The following PKP4 variants were observed in gnomAD, a reference collection of about 807,000 sequenced individuals.
PKP4 encodes the protein plakophilin 4.
In PKP4, 90 loss-of-function variants were observed where a neutral mutation model predicts 145.1. That is an observed-to-expected ratio of 0.62 (90% confidence interval 0.52 to 0.74). The LOEUF (loss-of-function observed/expected upper bound fraction) is 0.74, where lower values mean the gene tolerates loss of function less well. PKP4 is among the 30% of genes least tolerant of loss of function. The probability of loss-of-function intolerance (pLI) is 0.00; values close to 1 mark genes in which losing one functional copy is unlikely to be tolerated. For synonymous variants in PKP4, 563 were observed against 577.2 expected (o/e 0.98, Z 0.35); for missense variants, 1,340 against 1,482.7 (o/e 0.90, Z 1.58).
intron 15 of PKP4, among the ~76,000 whole-genome samples, chr2:158,664,967 G>A (rs1034216232): frequency 1.2e-4 from 19 of 152,182 alleles, no homozygotes; most frequent in Non-Finnish European, 2.2e-4. Flanking sequence ...AATTGAAATC[G>A]ATGTGATTTG....
intron 2 of PKP4, among the ~76,000 whole-genome samples, chr2:158,563,854 A>G (rs1476843239): frequency 1.3e-5 from 2 of 152,098 alleles, no homozygotes; most frequent in Non-Finnish European, 2.9e-5. Flanking sequence ...AATAGGCCAT[A>G]ATAGGTTATT....
At chr2:158,577,994 C>T (rs576317470) in intron 3 of PKP4, among the ~76,000 whole-genome samples, 33 of 152,280 alleles carry the variant, frequency 2.2e-4, no homozygotes, top group African/African-American at 7.7e-4. Flanking sequence ...AGTTAAATCA[C>T]TGCTTATCCT....
At chr2:158,630,024 G>A (rs981341956) in intron 7 of PKP4, among the ~76,000 whole-genome samples, 5 of 152,186 alleles carry the variant, frequency 3.3e-5, no homozygotes, top group Non-Finnish European at 1.5e-5. Flanking sequence ...GCGCCACCGT[G>A]CCTGGCCAAT....
chr2:158,671,545 T>C lies in PKP4; in HGVS notation c.2924+1630T>C, dbSNP rs79945710. On this transcript the variant is annotated intron_variant, in intron 17 of 21. Transcript: ENST00000389759. Reference sequence around the variant, plus strand: ...ATTGCTACCCAGTCTAATCTGTTTTTCAAAACCAGAGATTCGGAAAGTCCT... The same window carrying C: ...ATTGCTACCCAGTCTAATCTGTTTTCCAAAACCAGAGATTCGGAAAGTCCT... Among the ~76,000 whole-genome samples, 5 of 152,290 alleles carry C rather than the reference T, an allele frequency of 3.3e-5. No individual in the cohort carries two copies. The East Asian group carries it at 9.7e-4, about 29-fold the overall frequency.
chr2:158,533,592 T>C, intron 2 of PKP4: 1 of 510,942 alleles, frequency 2.0e-6, no homozygotes, highest in Non-Finnish European at 3.8e-6. Context: ...GCAGAGTGTG[T>C]GCATGCACGC....
intron 4 of PKP4, among the ~76,000 whole-genome samples, chr2:158,608,646 C>T (rs1218032438): frequency 1.3e-5 from 2 of 151,986 alleles, no homozygotes; most frequent in African/African-American, 2.4e-5. Flanking sequence ...TATTTACTTT[C>T]TAATATTTTA....
chr2:158,654,480 C>T (rs979856367), intron 11 of PKP4, among the ~76,000 whole-genome samples: 3 of 152,072 alleles, frequency 2.0e-5, no homozygotes, highest in African/African-American at 7.2e-5. Flanking sequence ...TTTTTAACAA[C>T]TTTATATTTT....
chr2:158,621,205 G>A, intron 5 of PKP4, 26 bp from the exon 6 acceptor site: 4 of 1,613,454 alleles, frequency 2.5e-6, no homozygotes, highest in Non-Finnish European at 3.4e-6. Flanking sequence ...GTATAATAAA[G>A]ATATTTCTTG....
intron 2 of PKP4, among the ~76,000 whole-genome samples, chr2:158,550,754 T>TTG: frequency 6.6e-6 from 1 of 152,358 alleles, no homozygotes; most frequent in South Asian, 2.1e-4. Context: ...GATTTTACAT[T>TTG]TGTGCAGGAT....
chr2:158,566,128 G>A (rs1160406666), intron 2 of PKP4, among the ~76,000 whole-genome samples: 1 of 151,620 alleles, frequency 6.6e-6, no homozygotes, highest in Admixed American at 6.6e-5. Flanking sequence ...TGTGTTAGGT[G>A]GTATTTGTTT....
At chr2:158,530,967 T>G (rs887061551) in intron 1 of PKP4, among the ~76,000 whole-genome samples, 34 of 152,268 alleles carry the variant, frequency 2.2e-4, no homozygotes, top group African/African-American at 7.2e-4. Flanking sequence ...CTCCTTTGCA[T>G]TTACATCTTG....
chr2:158,557,981 G>A (rs2046230080), intron 2 of PKP4, among the ~76,000 whole-genome samples: 2 of 152,158 alleles, frequency 1.3e-5, no homozygotes, highest in Admixed American at 6.5e-5. Flanking sequence ...GGAAGATCTA[G>A]GTCAAAGTTG....
chr2:158,533,333 A>C lies in PKP4; in HGVS notation c.132+17A>C. On this transcript the variant is annotated intron_variant, in intron 2 of 21. Coordinates refer to ENST00000389759, the MANE Select transcript of PKP4 (RefSeq NM_003628.6). ...AAGGAGCAGGTACATCCTCGTATTG[A>C]AAGTTGCAGTGAATTATTTCTTTAA... 4 of 1,613,584 alleles carry C rather than the reference A, an allele frequency of 2.5e-6. No individual in the cohort carries two copies. The highest frequency in any genetic ancestry group is 3.4e-6 in the Non-Finnish European group (4 of 1,179,554).
At chr2:158,515,345 A>G (rs2041847033) in intron 1 of PKP4, among the ~76,000 whole-genome samples, 1 of 152,180 alleles carries the variant, frequency 6.6e-6, no homozygotes, top group African/African-American at 2.4e-5. Flanking sequence ...TAAGCCTGGT[A>G]TGGTGATGTG....
intron 2 of PKP4, among the ~76,000 whole-genome samples, chr2:158,540,973 A>T (rs2044476258): frequency 6.6e-6 from 1 of 152,126 alleles, no homozygotes; most frequent in African/African-American, 2.4e-5. Flanking sequence ...TATATGGAAT[A>T]ATTTCCCCCT....
rs578016214 is a variant in PKP4 at position 158,638,273 on chromosome 2, A to G, written c.1563-2354A>G. 7.2e-5 allele frequency among the ~76,000 whole-genome samples: 11 copies of G among 152,374 alleles called. No individual in the cohort carries two copies. The South Asian group carries it at 1.9e-3, about 26-fold the overall frequency. The stretch of plus-strand genomic sequence containing the variant: ...TGAATATTAATAAAACATCTGTGTC[A>G]GAAGTAAAAGTATATAAAATATTTT... On this transcript the variant is annotated intron_variant, in intron 9 of 21. Coordinates refer to ENST00000389759, the MANE Select transcript of PKP4 (RefSeq NM_003628.6).
At chr2:158,597,147 C>T (rs2105835066) in intron 3 of PKP4, among the ~76,000 whole-genome samples, 1 of 152,296 alleles carries the variant, frequency 6.6e-6, no homozygotes, top group Non-Finnish European at 1.5e-5. Context: ...TTCCCAGCCT[C>T]TAACAATGGC....
chr2:158,670,231 T>C (rs2057440686), intron 17 of PKP4, among the ~76,000 whole-genome samples: 1 of 152,208 alleles, frequency 6.6e-6, no homozygotes, highest in African/African-American at 2.4e-5. Context: ...CAGAAATTTA[T>C]TTCTCACAGT....
intron 3 of PKP4, among the ~76,000 whole-genome samples, chr2:158,577,588 G>T (rs1041803001): frequency 1.3e-5 from 2 of 152,142 alleles, no homozygotes; most frequent in African/African-American, 2.4e-5. Context: ...TATAGCATTG[G>T]CAAGCTTCTG....
Sources: allele counts gnomAD v4.1 joint callset (sites outside exome capture counted in the v4.1 genomes callset), GRCh38; gene constraint gnomAD v4.1.1; transcripts MANE v1.5; gene names NCBI Gene and HGNC (gene_info 2026-07-23, HGNC 2026-07-21).